Variants in LMNTD1 observed in about 807,000 individuals in gnomAD.
The protein encoded by LMNTD1 is lamin tail domain-containing protein 1.
Under a neutral mutation model 50.9 loss-of-function variants are expected in LMNTD1, and 35 were observed. The ratio of observed to expected loss-of-function variants is 0.69; its 90% CI spans 0.53 to 0.91. The LOEUF (loss-of-function observed/expected upper bound fraction) is 0.91. LMNTD1 is among the 40% of genes least tolerant of loss of function. LMNTD1 has a pLI of 0.00. For missense variants in LMNTD1, 470 were observed against 475.5 expected (o/e 0.99, Z 0.11); for synonymous variants, 153 against 161.9 (o/e 0.94, Z 0.42).
At chr12:25,584,002 A>C (rs954342650) in intron 1 of LMNTD1, among the ~76,000 whole-genome samples, 2 of 152,164 alleles carry the variant, frequency 1.3e-5, no homozygotes, top group African/African-American at 4.8e-5. Context: ...ATCCAGGGAG[A>C]GCCTATGGCA....
intron 1 of LMNTD1, among the ~76,000 whole-genome samples, chr12:25,568,831 A>G (rs1249177604): frequency 6.6e-6 from 1 of 152,250 alleles, no homozygotes; most frequent in Admixed American, 6.5e-5. Context: ...GAGGCTTGGC[A>G]AATTCCACCT....
At chr12:25,614,103 A>G (rs1399315544) in intron 1 of LMNTD1, among the ~76,000 whole-genome samples, 1 of 152,012 alleles carries the variant, frequency 6.6e-6, no homozygotes, top group African/African-American at 2.4e-5. Context: ...AAAAGTGTCC[A>G]TTGGGTTTAT....
chr12:25,630,659 C>T (rs936047335), intron 1 of LMNTD1: 1 of 152,230 alleles, frequency 6.6e-6, no homozygotes, highest in African/African-American at 2.4e-5. Context: ...CAGAAAGGCC[C>T]CTTGAGCTTG....
intron 6 of LMNTD1, among the ~76,000 whole-genome samples, chr12:25,524,183 A>G (rs1473831730): frequency 1.3e-5 from 2 of 152,196 alleles, no homozygotes; most frequent in African/African-American, 4.8e-5. Flanking sequence ...TGGGCTGCCC[A>G]TATTTTATTA....
chr12:25,553,922 G>C (rs939270309), upstream of LMNTD1, among the ~76,000 whole-genome samples: 1 of 151,514 alleles, frequency 6.6e-6, no homozygotes, highest in East Asian at 1.9e-4. Context: ...AAACTGGCTA[G>C]GTACCATGAA....
In LMNTD1 at chr12:25,630,369, T is replaced by A. The variant is rs574844255; in HGVS notation, c.58+18125A>T. Among the ~76,000 whole-genome samples, 8 of 152,220 alleles carry A rather than the reference T, an allele frequency of 5.3e-5. No individual in the cohort carries two copies. The South Asian group carries it at 1.7e-3, about 32-fold the overall frequency. ...GACAGACAGAGCAGCATGTGGAGGT[T>A]CGCATTGTGAATTTTAGCTCCAGGT... On this transcript the variant is annotated intron_variant, in intron 1 of 7. Transcript: ENST00000445693.
At chr12:25,555,778 A>C (rs1944014271), upstream of LMNTD1, among the ~76,000 whole-genome samples, 1 of 152,116 alleles carries the variant, frequency 6.6e-6, no homozygotes, top group Non-Finnish European at 1.5e-5. Flanking sequence ...GATTCATTAT[A>C]GATTATGATT....
chr12:25,569,741 C>G lies in LMNTD1; in HGVS notation c.59-23187G>C, dbSNP rs10082982. On this transcript the variant is annotated intron_variant, in intron 1 of 7. Coordinates refer to the LMNTD1 transcript ENST00000445693. ...TGTATAGCACCCCCTGCCCACCTTG[C>G]TCTCTTGCTCCCACTCTTGCCATGG... 5.6e-3 allele frequency among the ~76,000 whole-genome samples: 847 copies of G among 152,134 alleles called. 11 individuals carry two copies. Among genetic ancestry groups the G allele is most frequent in the African/African-American group, 0.019 (808 of 41,494 alleles).
chr12:25,601,566 C>T (rs1478070519), intron 1 of LMNTD1, among the ~76,000 whole-genome samples: 1 of 151,892 alleles, frequency 6.6e-6, no homozygotes, highest in Non-Finnish European at 1.5e-5. Context: ...CAAATCATCT[C>T]ATGTACCCCA....
intron 1 of LMNTD1, among the ~76,000 whole-genome samples, chr12:25,574,780 C>G (rs1944936752): frequency 6.6e-6 from 1 of 152,064 alleles, no homozygotes; most frequent in Non-Finnish European, 1.5e-5. Flanking sequence ...TATTCCTTCT[C>G]CAGTGCACAG....
In LMNTD1 at chr12:25,518,783, C is replaced by CT; in HGVS notation, c.1189+11dup. On this transcript the variant is annotated intron_variant, in intron 8 of 9. Transcript: ENST00000458174. ...CGCACTCTCCACTGGAACAAGCACT[C>CT]TTTTAACTGACCTGAGGCTCGATTA... 2 of 1,613,736 alleles carry CT rather than the reference C, an allele frequency of 1.2e-6. No homozygotes were observed. Among genetic ancestry groups the CT allele is most frequent in the East Asian group, 4.5e-5 (2 of 44,868 alleles).
chr12:25,489,472 C>T (rs1194656551), intron 9 of LMNTD1, among the ~76,000 whole-genome samples: 2 of 147,476 alleles, frequency 1.4e-5, no homozygotes, highest in East Asian at 1.9e-4. Context: ...GGCAATGCCT[C>T]GCCCTGCTTT....
In LMNTD1 at chr12:25,523,284, G is replaced by A. The variant is rs560803758; in HGVS notation, c.798+2815C>T. Among the ~76,000 whole-genome samples, 18 of 152,184 alleles carry A rather than the reference G, an allele frequency of 1.2e-4. 1 individual carries two copies. Among genetic ancestry groups the A allele is most frequent in the Admixed American group, 1.1e-3 (17 of 15,290 alleles). On this transcript the variant is annotated intron_variant, in intron 6 of 9. Transcript: ENST00000458174. ...CCTGACCTTGTGATCCGCCCGCCTC[G>A]GCCTCCCAAAGTGCTGGGATTACAG...
At chr12:25,574,737 C>G (rs1944934441) in intron 1 of LMNTD1, among the ~76,000 whole-genome samples, 1 of 152,044 alleles carries the variant, frequency 6.6e-6, no homozygotes, top group African/African-American at 2.4e-5. Context: ...GTCCTAAGCT[C>G]CCTGCGGTCA....
intron 1 of LMNTD1, among the ~76,000 whole-genome samples, chr12:25,596,975 G>A (rs999588946): frequency 5.9e-5 from 9 of 151,974 alleles, no homozygotes; most frequent in Admixed American, 2.6e-4. Flanking sequence ...ATTCAACAGC[G>A]TTAAGTTGTT....
intron 9 of LMNTD1, among the ~76,000 whole-genome samples, chr12:25,490,564 A>G (rs1463304773): frequency 1.3e-5 from 2 of 152,224 alleles, no homozygotes; most frequent in African/African-American, 2.4e-5. Context: ...GAAGGGAACT[A>G]TAAACATGAA....
chr12:25,535,542 A>T (rs1942522362), intron 4 of LMNTD1, among the ~76,000 whole-genome samples: 1 of 152,128 alleles, frequency 6.6e-6, no homozygotes, highest in African/African-American at 2.4e-5. Flanking sequence ...CCCAAAAATA[A>T]TGATAATGAG....
chr12:25,644,544 C>A (rs1947025175), intron 1 of LMNTD1, among the ~76,000 whole-genome samples: 1 of 151,826 alleles, frequency 6.6e-6, no homozygotes, highest in South Asian at 2.1e-4. Context: ...ACAACAACCA[C>A]CAAAACAAAC....
intron 4 of LMNTD1, among the ~76,000 whole-genome samples, chr12:25,542,926 C>T (rs1163520198): frequency 6.6e-6 from 1 of 151,300 alleles, no homozygotes; most frequent in African/African-American, 2.4e-5. Flanking sequence ...TACAGATGAC[C>T]ATATGAGAAA....
Sources: gnomAD v4.1 joint callset for allele counts (sites outside exome capture counted in the v4.1 genomes callset) on GRCh38, gnomAD v4.1.1 for gene constraint, MANE v1.5 for transcripts, NCBI Gene and HGNC (gene_info 2026-07-23, HGNC 2026-07-21) for gene names.